The following ALS2 variants were observed in gnomAD, a reference collection of about 807,000 sequenced individuals.
The protein encoded by ALS2 is alsin Rho guanine nucleotide exchange factor ALS2.
ALS2 carries 117 observed loss-of-function variants against 203.4 expected under a neutral mutation model. That is an observed-to-expected ratio of 0.58 (90% CI 0.50 to 0.67). ALS2 has a LOEUF of 0.67. ALS2 is among the 30% of genes least tolerant of loss of function. The probability of loss-of-function intolerance (pLI) is 0.00; values close to 1 mark genes in which losing one functional copy is unlikely to be tolerated. For missense variants in ALS2, 1,715 were observed against 1,989.4 expected (o/e 0.86, Z 2.62); for synonymous variants, 718 against 725.9 (o/e 0.99, Z 0.17).
intron 9 of ALS2, 50 bp from the exon 10 acceptor site, chr2:201,744,479 C>G (rs940791386): frequency 6.5e-7 from 1 of 1,547,084 alleles, no homozygotes. Flanking sequence ...AATTATGTTA[C>G]TAATTTGGTA....
At chr2:201,771,812 T>A (rs1440337508) in intron 1 of ALS2, among the ~76,000 whole-genome samples, 1 of 152,230 alleles carries the variant, frequency 6.6e-6, no homozygotes, top group Non-Finnish European at 1.5e-5. Flanking sequence ...AAGGTCTTTA[T>A]CATTCCTTAA....
chr2:201,759,805 AAGAAAC>A (rs1185550183), intron 4 of ALS2: 7 of 985,234 alleles, frequency 7.1e-6, no homozygotes, highest in Non-Finnish European at 2.4e-6. Context: ...AAAACCTAAA[AAGAAAC>A]ACTGCAGGAC....
In ALS2 at chr2:201,718,136, G is replaced by A; in HGVS notation, c.3777C>T (p.Ile1259=). 1.9e-6 allele frequency: 3 copies of A among 1,613,664 alleles called. No homozygotes were observed. In the East Asian group the frequency reaches 6.7e-5, roughly 36 times the overall value. ...FSGEWGSGIK[I]TGTYFKPSLY... is the part of the protein sequence containing the mutation. ...GACTAGGTTTGAAGTAGGTTCCAGT[G>A]ATTTTTATCCCAGATCCCCATTCTC... The change falls in exon 24 of 34, where the codon ATC becomes ATT. Residue 1259 remains isoleucine, a synonymous_variant. Transcript: ENST00000264276.
In ALS2 at chr2:201,760,854, T is replaced by G. The variant is rs41308814; in HGVS notation, c.1113+27A>C. The G allele has an allele frequency of 3.7e-5, 60 of 1,603,128 alleles. No individual in the cohort carries two copies. In the East Asian group the frequency reaches 1.3e-3, roughly 36 times the overall value. On this transcript the variant is annotated intron_variant, in intron 4 of 33. Coordinates refer to ENST00000264276, the MANE Select transcript of ALS2 (RefSeq NM_020919.4). ...CCATACAGTTCAACTCTAGACACAC[T>G]TTTATTTTATAAAATTGAGCAGGTA... is the stretch of plus-strand genomic sequence containing the variant.
In ALS2 at chr2:201,724,330, C is replaced by A. The variant is rs1277222418; in HGVS notation, c.3477G>T (p.Lys1159Asn). ...SMFIGQWVMD[K>N]KAGYGVFDDI... ...CATCAAAGACACCATATCCTGCTTT[C>A]TTATCCATTACCCACTGGCCAATGA... Residue 1159 changes from lysine (K) to asparagine (N), a missense_variant, in exon 21 of 34, where the codon AAG becomes AAT. By Grantham distance (94) the Lys-to-Asn change is moderately conservative (BLOSUM62 0). Transcript: ENST00000264276. 1 of 1,614,074 alleles carries A rather than the reference C, an allele frequency of 6.2e-7. No homozygotes were observed. Among genetic ancestry groups the A allele is most frequent in the Non-Finnish European group, 8.5e-7 (1 of 1,179,956 alleles).
chr2:201,707,834 C>G (rs755770548), intron 28 of ALS2, 35 bp downstream of exon 28: 14 of 1,609,202 alleles, frequency 8.7e-6, no homozygotes, highest in Non-Finnish European at 1.2e-5. Flanking sequence ...AGTCACCATT[C>G]CCTTTCTTCA....
rs780518538 is a variant in ALS2, at chr2:201,760,923, T to C, written c.1071A>G (p.Val357=). 1 of 1,614,226 alleles carries C rather than the reference T, an allele frequency of 6.2e-7. No homozygotes were observed. The highest frequency in any genetic ancestry group is 8.5e-7 in the Non-Finnish European group (1 of 1,180,022). ...EYLRKLSDHS[V]REDSEHGEKP... ...TTTCACCATGCTCTGAGTCCTCTCT[T>C]ACTGAATGATCTGACAGTTTCCGTA... The change falls in exon 4 of 34, where the codon GTA becomes GTG. Residue 357 remains valine (V), a synonymous_variant. Transcript: ENST00000264276.
intron 5 of ALS2, among the ~76,000 whole-genome samples, chr2:201,757,123 T>C (rs1693448871): frequency 6.6e-6 from 1 of 152,092 alleles, no homozygotes; most frequent in African/African-American, 2.4e-5. Context: ...AATTAGGAAA[T>C]AAGAAGGGTA....
intron 25 of ALS2, among the ~76,000 whole-genome samples, chr2:201,713,652 T>C (rs1279293730): frequency 1.3e-5 from 2 of 152,214 alleles, no homozygotes; most frequent in African/African-American, 4.8e-5. Flanking sequence ...ACCCCAAAAT[T>C]TTGATTTGGC....
Position 201,740,948 on chromosome 2 carries a change from T to C in ALS2, c.2351+726A>G, listed in dbSNP as rs549450935. The stretch of plus-strand genomic sequence containing the variant: ...GGGCTTGGAGCTCCCCGCAAATGCC[T>C]GGCACTGAGTGGGCACTCAGTGTTT... On this transcript the variant is annotated intron_variant, in intron 11 of 33. Transcript: ENST00000264276. Among the ~76,000 whole-genome samples the C allele has an allele frequency of 2.0e-5, 3 of 152,282 alleles. No homozygotes were observed. In the South Asian group the frequency reaches 6.2e-4, roughly 32 times the overall value.
intron 1 of ALS2, chr2:201,780,200 C>A (rs751383294): frequency 1.3e-5 from 2 of 152,192 alleles, no homozygotes; most frequent in Non-Finnish European, 2.9e-5. Context: ...TGTTGCCTGT[C>A]TCCAAAGCAG....
chr2:201,724,544 T>C (rs1691025774), intron 20 of ALS2, 85 bp from the exon 21 acceptor site: 8 of 1,354,768 alleles, frequency 5.9e-6, no homozygotes, highest in South Asian at 5.9e-5. Flanking sequence ...TCCAAAACCA[T>C]ACTCAGTCTC....
intron 1 of ALS2, among the ~76,000 whole-genome samples, chr2:201,772,872 T>TTTTC (rs577051693): frequency 1.9e-5 from 2 of 106,040 alleles, no homozygotes; most frequent in Non-Finnish European, 4.2e-5. Context: ...TTTTTTTTTT[T>TTTTC]CATTTTTGAG....
In ALS2 at chr2:201,749,604, G is replaced by A. The variant is rs1692896525; in HGVS notation, c.1815+108C>T. 20 of 1,080,368 alleles carry A rather than the reference G, an allele frequency of 1.9e-5. No homozygotes were observed. In the South Asian group the frequency reaches 2.6e-4, roughly 14 times the overall value. The allele number at this position is 1,080,368 out of a possible 1,614,324, so 66.9% of individuals were successfully genotyped here. The stretch of plus-strand genomic sequence containing the variant: ...TCTTATGAAAACCAAAACAAATTTA[G>A]GTTGTACGTATGAAATTCCCCCGAT... On this transcript the variant is annotated intron_variant, in intron 8 of 33. Coordinates refer to ENST00000264276, the MANE Select transcript of ALS2 (RefSeq NM_020919.4).
At chr2:201,715,860 T>C in intron 24 of ALS2, 21 bp from the exon 25 acceptor site, 1 of 1,613,368 alleles carries the variant, frequency 6.2e-7, no homozygotes, top group South Asian at 1.1e-5. Context: ...CATATCAACC[T>C]TTTATTAATC....
intron 20 of ALS2, among the ~76,000 whole-genome samples, chr2:201,724,922 G>A (rs1321090062): frequency 2.0e-5 from 3 of 151,990 alleles, no homozygotes; most frequent in African/African-American, 7.2e-5. Flanking sequence ...GACCATCCTG[G>A]CTAACGCGGT....
intron 4 of ALS2, chr2:201,760,443 A>T (rs2106086361): frequency 1.0e-6 from 1 of 992,500 alleles, no homozygotes; most frequent in South Asian, 4.6e-5. Context: ...CAATTGAAGG[A>T]TCTGCCACAA....
intron 2 of ALS2, among the ~76,000 whole-genome samples, chr2:201,767,658 G>A (rs887766050): frequency 7.9e-5 from 12 of 151,290 alleles, no homozygotes; most frequent in Admixed American, 3.3e-4. Context: ...GTAGGAGCTC[G>A]AGACCAGCCT....
intron 7 of ALS2, among the ~76,000 whole-genome samples, chr2:201,751,335 C>T (rs1236769769): frequency 1.3e-5 from 2 of 152,174 alleles, no homozygotes; most frequent in African/African-American, 4.8e-5. Flanking sequence ...CACATTTTCT[C>T]CTACATCCTA....
Sources: gnomAD v4.1 joint callset for allele counts (sites outside exome capture counted in the v4.1 genomes callset) on GRCh38, gnomAD v4.1.1 for gene constraint, MANE v1.5 for transcripts, NCBI Gene and HGNC (gene_info 2026-07-23, HGNC 2026-07-21) for gene names.